The following DMC1 variants were observed in gnomAD, a reference collection of about 807,000 sequenced individuals.
The protein encoded by DMC1 is DNA meiotic recombinase 1.
DMC1 carries 27 observed loss-of-function variants against 50.1 expected under a neutral mutation model. That is an observed-to-expected ratio of 0.54 (90% CI 0.40 to 0.74). The LOEUF (loss-of-function observed/expected upper bound fraction) is 0.74. Among genes scored for constraint, DMC1 ranks in the 30% least tolerant of loss-of-function variants. DMC1 has a pLI of 0.00. For missense variants in DMC1, 295 were observed against 420.2 expected (o/e 0.70, Z 2.60); for synonymous variants, 148 against 136.1 (o/e 1.09, Z -0.61).
intron 8 of DMC1, among the ~76,000 whole-genome samples, chr22:38,546,973 A>T (rs990641503): frequency 6.6e-6 from 1 of 152,242 alleles, no homozygotes. Flanking sequence ...ATACAGGAAA[A>T]AATAACATCT....
chr22:38,568,079 A>C, intron 2 of DMC1, 127 bp downstream of exon 2: 1 of 831,882 alleles, frequency 1.2e-6, no homozygotes, highest in East Asian at 2.6e-5. Flanking sequence ...AAGTTGTTAC[A>C]TATTTGCAAT....
downstream of DMC1, among the ~76,000 whole-genome samples, chr22:38,515,399 C>T (rs1480767675): frequency 6.7e-6 from 1 of 149,188 alleles, no homozygotes; most frequent in African/African-American, 2.5e-5. Flanking sequence ...ATTACTTGAA[C>T]TCAGGAGGCG....
rs1482550550 is a variant in DMC1, at chr22:38,555,365, G to C, written c.371C>G (p.Ala124Gly). Reference sequence around the variant, plus strand: ...ATTAAGGTTCTACCTACCTCCAAAAGCTTCTGTAATTGCCATACTTTCAAT... The same window carrying C: ...ATTAAGGTTCTACCTACCTCCAAAACCTTCTGTAATTGCCATACTTTCAAT... Reference protein sequence around the residue: ...GGIESMAITEAFGEFRTGKTQ... With the variant: ...GGIESMAITEGFGEFRTGKTQ... Residue 124 changes from alanine (A) to glycine (G), a missense_variant, in exon 6 of 14, where the codon GCT (alanine) becomes GGT (glycine). Physicochemically the swap from Ala to Gly is moderately conservative, Grantham distance 60. Coordinates refer to ENST00000216024, the MANE Select transcript of DMC1 (RefSeq NM_007068.4). The C allele has an allele frequency of 6.2e-7, 1 of 1,608,530 alleles. No homozygotes were observed. Among genetic ancestry groups the C allele is most frequent in the Non-Finnish European group, 8.5e-7 (1 of 1,175,482 alleles).
intron 4 of DMC1, among the ~76,000 whole-genome samples, chr22:38,565,698 T>G (rs546701367): frequency 1.3e-5 from 2 of 152,308 alleles, no homozygotes; most frequent in South Asian, 4.1e-4. Flanking sequence ...AGGTTAAGCC[T>G]CAATTTGGGG....
In DMC1 at chr22:38,535,003, T is replaced by A. The variant is rs538419183; in HGVS notation, c.836+2589A>T. The stretch of plus-strand genomic sequence containing the variant: ...CCTGGGAAACAAGAGTGAAACTCCA[T>A]CTAAAAAAAAAAGAGGCTGGGCACA... On this transcript the variant is annotated intron_variant, in intron 12 of 13. Transcript: ENST00000216024. Among the ~76,000 whole-genome samples the A allele has an allele frequency of 1.3e-3, 178 of 142,238 alleles. No individual in the cohort carries two copies. The Middle Eastern group carries it at 0.018, about 14-fold the overall frequency. The allele number at this position is 142,238 out of a possible 152,430, so 93.3% of individuals were successfully genotyped here. A position where few individuals can be genotyped will look rare whatever the true frequency, so the allele number is the denominator to read the frequency against.
At position 38,520,045 on chromosome 22, in the gene DMC1, C is replaced by T. The variant is rs771134793; in HGVS notation, c.998G>A (p.Gly333Glu). Residue 333 changes from glycine (G) to glutamate (E), a missense_variant, in exon 14 of 14, where the codon GGA (glycine) becomes GAA (glutamate). Transcript: ENST00000216024. ...CTACTCCTTGGCATCCCCAATTCCT[C>T]CAGCAGTTATTGCGAAGGTGGCTTC... ...ENEATFAITA[G>E]GIGDAKE 1.2e-6 allele frequency: 2 copies of T among 1,613,660 alleles called. No homozygotes were observed. The highest frequency in any genetic ancestry group is 1.7e-6 in the Non-Finnish European group (2 of 1,179,702).
intron 5 of DMC1, among the ~76,000 whole-genome samples, chr22:38,556,684 A>G (rs1277775879): frequency 6.6e-6 from 1 of 152,226 alleles, no homozygotes; most frequent in Non-Finnish European, 1.5e-5. Context: ...ACACATATTA[A>G]TTGTGTTAAT....
chr22:38,566,297 GAGA>G (rs986559372), intron 4 of DMC1, among the ~76,000 whole-genome samples: 2 of 151,300 alleles, frequency 1.3e-5, no homozygotes, highest in South Asian at 2.1e-4. Context: ...AAAAGGAAAG[GAGA>G]AGGAAAGGCA....
chr22:38,563,445 A>G (rs754015119), intron 4 of DMC1, among the ~76,000 whole-genome samples: 18 of 152,320 alleles, frequency 1.2e-4, no homozygotes, highest in Non-Finnish European at 2.2e-4. Context: ...TATTAGCCAC[A>G]CCAGGTGATT....
intron 12 of DMC1, among the ~76,000 whole-genome samples, chr22:38,527,963 T>C (rs921864129): frequency 6.6e-6 from 1 of 152,178 alleles, no homozygotes; most frequent in South Asian, 2.1e-4. Flanking sequence ...TTACCTATAT[T>C]ACCTTGGGGT....
At chr22:38,569,410 C>A (rs1322228993) in intron 1 of DMC1, 1 of 152,008 alleles carries the variant, frequency 6.6e-6, no homozygotes, top group African/African-American at 2.4e-5. Context: ...AGGGAACGAA[C>A]CATTAATACT....
At chr22:38,512,860 G>T in the DMC1 span, among the ~76,000 whole-genome samples, 3 of 152,052 alleles carry the variant, frequency 2.0e-5, no homozygotes, top group Admixed American at 6.6e-5. Context: ...AAGGCGGGTG[G>T]ATCACCTGAG....
chr22:38,512,713 T>C, the DMC1 span, among the ~76,000 whole-genome samples: 6 of 152,320 alleles, frequency 3.9e-5, no homozygotes, highest in East Asian at 1.2e-3. Context: ...AGGCACTCTG[T>C]TGTTACCTTG....
intron 2 of DMC1, 76 bp downstream of exon 2, chr22:38,568,130 A>G: frequency 2.4e-6 from 3 of 1,271,930 alleles, no homozygotes; most frequent in African/African-American, 1.5e-5. Flanking sequence ...TTCTAAAAAT[A>G]GTAGCTAACA....
chr22:38,522,365 G>A (rs940806923), intron 12 of DMC1, among the ~76,000 whole-genome samples: 2 of 151,616 alleles, frequency 1.3e-5, no homozygotes, highest in African/African-American at 4.8e-5. Context: ...GACTAGCCTG[G>A]CCAACATGGC....
chr22:38,558,030 T>G (rs949139728), intron 5 of DMC1, among the ~76,000 whole-genome samples: 2 of 145,906 alleles, frequency 1.4e-5, no homozygotes, highest in Non-Finnish European at 3.0e-5. Context: ...TGGCGTGATC[T>G]TGGCTCACTG....
chr22:38,528,267 T>C (rs780705047), intron 12 of DMC1, among the ~76,000 whole-genome samples: 3 of 151,582 alleles, frequency 2.0e-5, no homozygotes, highest in Non-Finnish European at 4.4e-5. Context: ...TTTCATCATG[T>C]TAGCCAGGAT....
At chr22:38,538,143 C>CA in intron 11 of DMC1, 152 bp downstream of exon 11, 2 of 691,974 alleles carry the variant, frequency 2.9e-6, no homozygotes, top group Admixed American at 2.7e-5. Flanking sequence ...GATACCATCT[C>CA]AAAAAACAAA....
Position 38,552,672 on chromosome 22 carries a change from G to T in DMC1, c.415C>A (p.Leu139Ile). Residue 139 changes from leucine to isoleucine, a missense_variant, in exon 7 of 14, where the codon CTC becomes ATC. Transcript: ENST00000216024. ...RTGKTQLSHT[L>I]CVTAQLPGAG... is the part of the protein sequence containing the mutation. ...TGTTGTTATATATCCTTACCACAGAGGGTATGAGAAAGCTGGGTTTTTCCA... is the reference window on the plus strand; with the variant it reads ...TGTTGTTATATATCCTTACCACAGATGGTATGAGAAAGCTGGGTTTTTCCA... 6.3e-7 allele frequency: 1 copy of T among 1,589,944 alleles called. No individual in the cohort carries two copies. The highest frequency in any genetic ancestry group is 8.6e-7 in the Non-Finnish European group (1 of 1,158,340).
Sources: allele counts gnomAD v4.1 joint callset (sites outside exome capture counted in the v4.1 genomes callset), GRCh38; gene constraint gnomAD v4.1.1; transcripts MANE v1.5; gene names NCBI Gene and HGNC (gene_info 2026-07-23, HGNC 2026-07-21).